ADH6: variants seen among roughly 807,000 people sequenced by gnomAD.
The protein encoded by ADH6 is alcohol dehydrogenase 6 (class V).
ADH6 carries 34 observed loss-of-function variants against 36.5 expected under a neutral mutation model. The ratio of observed to expected loss-of-function variants is 0.93; its 90% CI spans 0.71 to 1.24. The LOEUF (loss-of-function observed/expected upper bound fraction) is 1.24. Among genes scored for constraint, ADH6 ranks in the 50% most tolerant of loss-of-function variants. The probability of loss-of-function intolerance (pLI) is 0.00; values close to 1 mark genes in which losing one functional copy is unlikely to be tolerated. For missense variants in ADH6, 440 were observed against 447.0 expected (o/e 0.98, Z 0.14); for synonymous variants, 161 against 155.5 (o/e 1.04, Z -0.26).
At chr4:99,211,846 C>T (rs889806824) in intron 3 of ADH6, among the ~76,000 whole-genome samples, 4 of 152,016 alleles carry the variant, frequency 2.6e-5, no homozygotes, top group Non-Finnish European at 5.9e-5. Flanking sequence ...TTCAGGGAGC[C>T]GACCACTGGT....
Position 99,210,182 on chromosome 4 carries a change from AT to A in ADH6, c.466del (p.Ile156SerfsTer12). 4 of 1,613,830 alleles carry A rather than the reference AT, an allele frequency of 2.5e-6. No homozygotes were observed. Among genetic ancestry groups the A allele is most frequent in the Non-Finnish European group, 3.4e-6 (4 of 1,179,862 alleles). On this transcript the variant is annotated frameshift_variant, in exon 5 of 9. Transcript: ENST00000394899. LOFTEE classifies it high-confidence loss of function. ...GACTGCATCAATCTTGGCAACTGAGATTTCCTTTATCACTGTGTATTCACAG... is the reference window on the plus strand; with the variant it reads ...GACTGCATCAATCTTGGCAACTGAGATTCCTTTATCACTGTGTATTCACAG... ...TFCEYTVIKE[I>X]SVAKIDAVAP... is the part of the protein sequence containing the mutation.
chr4:99,212,871 T>A (rs1183924299), intron 3 of ADH6, among the ~76,000 whole-genome samples: 1 of 151,556 alleles, frequency 6.6e-6, no homozygotes, highest in East Asian at 1.9e-4. Context: ...ACTTTTGGGG[T>A]TTTTTTTAAA....
At chr4:99,210,736 C>G (rs1011238988) in intron 3 of ADH6, among the ~76,000 whole-genome samples, 1 of 152,168 alleles carries the variant, frequency 6.6e-6, no homozygotes, top group African/African-American at 2.4e-5. Flanking sequence ...GAACTGGCCC[C>G]AGATTTGCCT....
rs771599201 is a variant in ADH6, at chr4:99,210,513, A to G, written c.263-11T>C. ...TGATAACTTTGTCACCTAAAAGAGCAAAATCATGTCTTATTAACATATTAT... is the reference window on the plus strand; with the variant it reads ...TGATAACTTTGTCACCTAAAAGAGCGAAATCATGTCTTATTAACATATTAT... On this transcript the variant is annotated splice_polypyrimidine_tract_variant and intron_variant, in intron 3 of 8. Transcript: ENST00000394899. 6.3e-7 allele frequency: 1 copy of G among 1,581,150 alleles called. No homozygotes were observed. The highest frequency in any genetic ancestry group is 2.2e-5 in the East Asian group (1 of 44,678).
At chr4:99,209,939 G>C (rs1390611132) in intron 5 of ADH6, 143 bp downstream of exon 5, 4 of 756,234 alleles carry the variant, frequency 5.3e-6, no homozygotes, top group Non-Finnish European at 8.6e-6. Context: ...GGGATGACTA[G>C]GTAGATAGCA....
chr4:99,207,565 G>A lies in ADH6; in HGVS notation c.845C>T (p.Ser282Phe), dbSNP rs1384662273. 12 of 1,613,282 alleles carry A rather than the reference G, an allele frequency of 7.4e-6. No homozygotes were observed. In the South Asian group the frequency reaches 1.3e-4, roughly 18 times the overall value. Residue 282 changes from serine (S) to phenylalanine (F), a missense_variant, in exon 7 of 9, where the codon TCC (serine) becomes TTC (phenylalanine). By Grantham distance (155) the Ser-to-Phe change is radical (BLOSUM62 -2). Coordinates refer to ENST00000394899, the MANE Select transcript of ADH6 (RefSeq NM_001102470.2). ...ACAGACCCCATAGCTCTCATTGCAGGAGGCGAGGGCAGCTGCCTGTTAGAA... is the reference window on the plus strand; with the variant it reads ...ACAGACCCCATAGCTCTCATTGCAGAAGGCGAGGGCAGCTGCCTGTTAGAA... ...NLDVLAAALASCNESYGVCVV... is the reference protein window; with the variant it reads ...NLDVLAAALAFCNESYGVCVV...
intron 2 of ADH6, 74 bp downstream of exon 2, chr4:99,216,087 G>A (rs1731405630): frequency 8.2e-6 from 6 of 733,034 alleles, no homozygotes; most frequent in African/African-American, 1.8e-5. Context: ...ATCCGGATAA[G>A]AATATGTAAC....
Position 99,218,736 on chromosome 4 carries a change from G to T in ADH6, c.18+399C>A, listed in dbSNP as rs570413078. 7.9e-5 allele frequency among the ~76,000 whole-genome samples: 12 copies of T among 152,284 alleles called. No homozygotes were observed. In the South Asian group the frequency reaches 2.1e-3, roughly 26 times the overall value. On this transcript the variant is annotated intron_variant, in intron 1 of 8. Transcript: ENST00000394899. Reference sequence around the variant, plus strand: ...CCTGGTGAATTCATATTTCTCCAGTGATTTCCCCTTCGGTATCACCTCTGG... The same window carrying T: ...CCTGGTGAATTCATATTTCTCCAGTTATTTCCCCTTCGGTATCACCTCTGG...
At chr4:99,207,676 A>G (rs1731084248) in intron 6 of ADH6, 95 bp from the exon 7 acceptor site, 3 of 1,303,244 alleles carry the variant, frequency 2.3e-6, no homozygotes, top group Non-Finnish European at 3.2e-6. Context: ...TAAATGGTCT[A>G]TGACTTTCTT....
intron 1 of ADH6, among the ~76,000 whole-genome samples, chr4:99,218,388 G>A (rs1731524109): frequency 6.6e-6 from 1 of 152,164 alleles, no homozygotes; most frequent in South Asian, 2.1e-4. Context: ...ACTGCTGCTA[G>A]TACTAAAAAA....
chr4:99,204,076 G>T lies in ADH6; in HGVS notation c.*143C>A. On this transcript the variant is annotated 3_prime_UTR_variant, in exon 9 of 9. Coordinates refer to ENST00000394899, the MANE Select transcript of ADH6 (RefSeq NM_001102470.2). ...GATGAAATGGTTAGGTCAGAAGCCAGATATAGGTCCACTGCGGAGTGAATC... is the reference window on the plus strand; with the variant it reads ...GATGAAATGGTTAGGTCAGAAGCCATATATAGGTCCACTGCGGAGTGAATC... 2 of 980,832 alleles carry T rather than the reference G, an allele frequency of 2.0e-6. No homozygotes were observed. Among genetic ancestry groups the T allele is most frequent in the Non-Finnish European group, 2.9e-6 (2 of 685,006 alleles). The allele number at this position is 980,832 out of a possible 1,614,324, so 60.8% of individuals were successfully genotyped here.
chr4:99,211,175 C>A (rs1158241653), intron 3 of ADH6, among the ~76,000 whole-genome samples: 1 of 152,004 alleles, frequency 6.6e-6, no homozygotes, highest in Non-Finnish European at 1.5e-5. Context: ...TAAAAAGTAA[C>A]ACATACATAT....
chr4:99,204,327 A>G, intron 8 of ADH6, 84 bp from the exon 9 acceptor site: 1 of 1,551,582 alleles, frequency 6.4e-7, no homozygotes, highest in Non-Finnish European at 8.6e-7. Flanking sequence ...CACTTTGTAG[A>G]GCAGTAAACT....
intron 2 of ADH6, 150 bp from the exon 3 acceptor site, chr4:99,213,897 A>G (rs532860382): frequency 3.1e-6 from 2 of 652,910 alleles, no homozygotes; most frequent in South Asian, 1.0e-4. Flanking sequence ...GGAAGGGTCA[A>G]TAATAATTTG....
chr4:99,208,641 T>C (rs747218382), intron 6 of ADH6, 27 bp downstream of exon 6: 3 of 1,588,258 alleles, frequency 1.9e-6, no homozygotes, highest in South Asian at 2.3e-5. Context: ...AAAGTATTGG[T>C]AATTTTCACT....
Position 99,216,184 on chromosome 4 carries a change from T to G in ADH6, c.97A>C (p.Lys33Gln). The change falls in exon 2 of 9, where the codon AAG becomes CAG. Residue 33 changes from lysine (K) to glutamine (Q), a missense_variant. Physicochemically the swap from Lys to Gln is moderately conservative, Grantham distance 53. Coordinates refer to ENST00000394899, the MANE Select transcript of ADH6 (RefSeq NM_001102470.2). Reference protein sequence around the residue: ...SIEEVEVAPPKAKEVRIKVVA... With the variant: ...SIEEVEVAPPQAKEVRIKVVA... ...ACCTTTATGCGAACTTCCTTTGCCT[T>G]TGGTGGGGCCACTTCTACCTCTTCA... is the stretch of plus-strand genomic sequence containing the variant. 6.4e-7 allele frequency: 1 copy of G among 1,552,668 alleles called. No individual in the cohort carries two copies. The highest frequency in any genetic ancestry group is 1.3e-5 in the South Asian group (1 of 78,868).
chr4:99,215,195 C>G (rs1348957817), intron 2 of ADH6, among the ~76,000 whole-genome samples: 3 of 152,100 alleles, frequency 2.0e-5, no homozygotes, highest in South Asian at 4.1e-4. Flanking sequence ...ACCCAATAGC[C>G]CACTGCTTAC....
chr4:99,217,739 G>A (rs1160794768), intron 1 of ADH6, among the ~76,000 whole-genome samples: 3 of 152,276 alleles, frequency 2.0e-5, no homozygotes, highest in South Asian at 4.1e-4. Flanking sequence ...CCAGTAGTGG[G>A]ATTGCAGGTG....
Position 99,216,265 on chromosome 4 carries a change from G to A in ADH6, c.19-3C>T. ...ATGGCTGCTTTGCATCTGATGACCT[G>A]GGAAATAGAATACAGGGGCAGAAAG... is the stretch of plus-strand genomic sequence containing the variant. On this transcript the variant is annotated splice_polypyrimidine_tract_variant and splice_region_variant and intron_variant, in intron 1 of 8. Transcript: ENST00000394899. The A allele has an allele frequency of 7.7e-6, 12 of 1,553,582 alleles. No individual in the cohort carries two copies. Among genetic ancestry groups the A allele is most frequent in the Non-Finnish European group, 1.0e-5 (12 of 1,150,638 alleles).
Sources: gnomAD v4.1 joint callset for allele counts (sites outside exome capture counted in the v4.1 genomes callset) on GRCh38, gnomAD v4.1.1 for gene constraint, MANE v1.5 for transcripts, NCBI Gene and HGNC (gene_info 2026-07-23, HGNC 2026-07-21) for gene names.